Variants in RFX7 observed in about 807,000 individuals in gnomAD.
The protein encoded by RFX7 is DNA-binding protein RFX7.
RFX7 carries 26 observed loss-of-function variants against 111.8 expected under a neutral mutation model. The observed-to-expected ratio is 0.23, with a 90% CI of 0.17 to 0.32. RFX7 has a LOEUF of 0.32. Ranked by LOEUF, RFX7 falls within the 10% of genes least tolerant of loss-of-function variation. RFX7 has a pLI of 1.00. For missense variants in RFX7, 1,573 were observed against 1,772.9 expected (o/e 0.89, Z 2.02); for synonymous variants, 624 against 624.4 (o/e 1.00, Z 0.01).
intron 4 of RFX7, among the ~76,000 whole-genome samples, chr15:56,143,342 TACATATATACATAC>T (rs1166915036): frequency 7.5e-5 from 9 of 120,356 alleles, no homozygotes; most frequent in African/African-American, 2.4e-4. Flanking sequence ...CACATACATA[TACATATATACATAC>T]ACACACACAC....
Position 56,100,267 on chromosome 15 carries a change from A to C in RFX7, c.811+1092T>G, listed in dbSNP as rs1359983367. ...TTAAATGAGGTAACATAAGTGAGCT[A>C]TTTAGCTCGATAAGGCTGGTCAAGC... On this transcript the variant is annotated intron_variant, in intron 8 of 9. Coordinates refer to ENST00000559447, the MANE Select transcript of RFX7 (RefSeq NM_022841.7). Among the ~76,000 whole-genome samples, 11 of 152,330 alleles carry C rather than the reference A, an allele frequency of 7.2e-5. No individual in the cohort carries two copies. The East Asian group carries it at 2.1e-3, about 29-fold the overall frequency.
intron 5 of RFX7, among the ~76,000 whole-genome samples, chr15:56,125,409 G>C (rs1353445132): frequency 1.3e-5 from 2 of 152,078 alleles, no homozygotes; most frequent in African/African-American, 4.8e-5. Context: ...TATTTTGATA[G>C]GAATTGCATT....
At chr15:56,230,912 G>A (rs1482097522) in intron 2 of RFX7, among the ~76,000 whole-genome samples, 1 of 152,222 alleles carries the variant, frequency 6.6e-6, no homozygotes, top group Non-Finnish European at 1.5e-5. Context: ...GGCTAACACA[G>A]TGTAACCCCA....
intron 2 of RFX7, 63 bp downstream of exon 2, chr15:56,243,062 C>CCCCCCCCATGG: frequency 9.5e-7 from 1 of 1,049,048 alleles, no homozygotes; most frequent in Non-Finnish European, 1.3e-6. Flanking sequence ...CGCCGCCCCC[C>CCCCCCCCATGG]ACCCACTTTG....
intron 5 of RFX7, among the ~76,000 whole-genome samples, chr15:56,133,590 G>T (rs1483003678): frequency 2.0e-5 from 3 of 152,032 alleles, no homozygotes; most frequent in Non-Finnish European, 2.9e-5. Flanking sequence ...CTCTAAACAG[G>T]ATAATGAGTG....
Position 56,095,552 on chromosome 15 carries a change from T to C in RFX7, c.2176A>G (p.Ile726Val), listed in dbSNP as rs540337406. 1.2e-6 allele frequency: 2 copies of C among 1,613,922 alleles called. No homozygotes were observed. The highest frequency in any genetic ancestry group is 1.7e-5 in the Admixed American group (1 of 60,018). The change falls in exon 10 of 10, where the codon ATA becomes GTA. Residue 726 changes from isoleucine (I) to valine (V), a missense_variant. This residue lies in a region of RFX7 where 625 missense variants were observed against 632.2 expected (regional missense o/e 0.99). Coordinates refer to ENST00000559447, the MANE Select transcript of RFX7 (RefSeq NM_022841.7). ...SKVSVNVSSHIGANQPLNSSA... is the reference protein window; with the variant it reads ...SKVSVNVSSHVGANQPLNSSA... ...GAATTCAAGGGTTGATTTGCTCCTA[T>C]GTGTGAACTGACATTTACTGATACC...
chr15:56,139,211 T>C (rs2141014094), intron 5 of RFX7, among the ~76,000 whole-genome samples: 1 of 151,754 alleles, frequency 6.6e-6, no homozygotes, highest in Middle Eastern at 3.4e-3. Flanking sequence ...TGCAGAGTGT[T>C]TTCCAACTTG....
chr15:56,241,784 T>C (rs2043692719), intron 2 of RFX7, among the ~76,000 whole-genome samples: 1 of 152,168 alleles, frequency 6.6e-6, no homozygotes, highest in Non-Finnish European at 1.5e-5. Flanking sequence ...ACAACATGAC[T>C]ATTGTCAAAG....
At position 56,095,937 on chromosome 15, in the gene RFX7, G is replaced by A; in HGVS notation, c.1791C>T (p.Asp597=). The change falls in exon 10 of 10, where the codon GAC becomes GAT. Residue 597 remains aspartate (D), a synonymous_variant. Coordinates refer to ENST00000559447, the MANE Select transcript of RFX7 (RefSeq NM_022841.7). ...AGCGACTTTTACATTTGGTCCTCTG[G>A]TCACAGACCTTAGTTGCTTTTATTT... ...VIEIKATKVC[D]QRTKCKSRCN... 1.2e-6 allele frequency: 2 copies of A among 1,606,966 alleles called. No individual in the cohort carries two copies. Among genetic ancestry groups the A allele is most frequent in the Non-Finnish European group, 1.7e-6 (2 of 1,179,762 alleles).
intron 2 of RFX7, among the ~76,000 whole-genome samples, chr15:56,222,435 T>C (rs777824061): frequency 4.6e-5 from 7 of 152,212 alleles, no homozygotes; most frequent in Non-Finnish European, 1.0e-4. Flanking sequence ...AATAATCATA[T>C]CTTCAAATTA....
chr15:56,142,627 G>A, intron 5 of RFX7, 151 bp downstream of exon 5: 1 of 661,950 alleles, frequency 1.5e-6, no homozygotes, highest in South Asian at 2.3e-5. Context: ...TACTACAGAA[G>A]CTTAGAGCTG....
intron 2 of RFX7, among the ~76,000 whole-genome samples, chr15:56,224,531 AT>A (rs1438938330): frequency 6.7e-5 from 10 of 149,192 alleles, no homozygotes; most frequent in South Asian, 2.1e-4. Context: ...ACTATACGGC[AT>A]TTTTTAACCC....
chr15:56,235,607 A>G (rs1261369754), intron 2 of RFX7, among the ~76,000 whole-genome samples: 1 of 152,204 alleles, frequency 6.6e-6, no homozygotes, highest in African/African-American at 2.4e-5. Flanking sequence ...CCTCCCCAAG[A>G]TAGCCATTGC....
intron 5 of RFX7, among the ~76,000 whole-genome samples, chr15:56,133,379 A>C (rs1452899190): frequency 6.6e-6 from 1 of 152,120 alleles, no homozygotes; most frequent in Non-Finnish European, 1.5e-5. Flanking sequence ...TTTTGCTTTT[A>C]ATGACTATTA....
At chr15:56,219,264 T>C (rs896427384) in intron 2 of RFX7, among the ~76,000 whole-genome samples, 15 of 152,226 alleles carry the variant, frequency 9.9e-5, no homozygotes, top group East Asian at 9.6e-4. Flanking sequence ...ATAATCTTTA[T>C]CCTGAAGACT....
chr15:56,092,461 A>C lies in RFX7; in HGVS notation c.*884T>G, dbSNP rs1450393987. On this transcript the variant is annotated 3_prime_UTR_variant, in exon 10 of 10. Coordinates refer to ENST00000559447, the MANE Select transcript of RFX7 (RefSeq NM_022841.7). ...TCTCAGTTAGAATCTCAATATGTAC[A>C]TGCAGCCATTGTGATGAAACTAAGA... 1 of 152,196 alleles carries C rather than the reference A, an allele frequency of 6.6e-6. No individual in the cohort carries two copies. The highest frequency in any genetic ancestry group is 1.5e-5 in the Non-Finnish European group (1 of 68,004). 9.4% of individuals were successfully genotyped at this position (152,196 alleles called of 1,614,324 possible).
intron 2 of RFX7, among the ~76,000 whole-genome samples, chr15:56,214,512 G>C (rs1008571567): frequency 6.6e-6 from 1 of 151,232 alleles, no homozygotes; most frequent in East Asian, 2.0e-4. Context: ...TCAGGAGATC[G>C]AGACCATCCT....
intron 2 of RFX7, among the ~76,000 whole-genome samples, chr15:56,200,232 A>G (rs1406310286): frequency 1.3e-5 from 2 of 152,192 alleles, no homozygotes; most frequent in African/African-American, 4.8e-5. Flanking sequence ...AAATAATGAA[A>G]TGAAAACATG....
chr15:56,123,899 C>G (rs1015706165), intron 5 of RFX7, among the ~76,000 whole-genome samples: 1 of 152,188 alleles, frequency 6.6e-6, no homozygotes, highest in Non-Finnish European at 1.5e-5. Context: ...ACTCATTCTC[C>G]GTGGCAGGTG....
Sources: allele counts gnomAD v4.1 joint callset (sites outside exome capture counted in the v4.1 genomes callset), GRCh38; gene constraint gnomAD v4.1.1; regional missense constraint gnomAD v4.1.1; transcripts MANE v1.5; gene names NCBI Gene and HGNC (gene_info 2026-07-23, HGNC 2026-07-21).